The following ROBO2 variants were observed in gnomAD, a reference collection of about 807,000 sequenced individuals.
ROBO2 encodes roundabout guidance receptor 2.
Under a neutral mutation model 160.8 loss-of-function variants are expected in ROBO2, and 53 were observed. The observed-to-expected ratio is 0.33, with a 90% CI of 0.26 to 0.41. The LOEUF (loss-of-function observed/expected upper bound fraction) is 0.41, where lower values mean the gene tolerates loss of function less well. ROBO2 is among the 10% of genes least tolerant of loss of function. The pLI is 1.00. For synonymous variants in ROBO2, 664 were observed against 611.7 expected, an observed-to-expected ratio of 1.09 and a Z score of -1.26; for missense variants, 1,577 against 1,722.4, an observed-to-expected ratio of 0.92 and a Z score of 1.49.
chr3:76,238,285 A>AAACTTAT (rs2107502529), intron 2 of ROBO2, among the ~76,000 whole-genome samples: 1 of 152,298 alleles, frequency 6.6e-6, no homozygotes, highest in Non-Finnish European at 1.5e-5. Context: ...AGGCCTCAGG[A>AAACTTAT]AACTTATAAT....
chr3:76,197,124 C>T (rs1575829944), intron 2 of ROBO2, among the ~76,000 whole-genome samples: 1 of 151,244 alleles, frequency 6.6e-6, no homozygotes, highest in African/African-American at 2.4e-5. Context: ...TAATCAGTCT[C>T]TCTATAGATT....
At chr3:76,399,952 G>A (rs1036997347) in intron 2 of ROBO2, among the ~76,000 whole-genome samples, 3 of 151,592 alleles carry the variant, frequency 2.0e-5, no homozygotes, top group Non-Finnish European at 4.4e-5. Flanking sequence ...TTTTAAAATT[G>A]GCTTTACTCC....
At chr3:76,536,882 A>G (rs1486512737) in intron 2 of ROBO2, among the ~76,000 whole-genome samples, 1 of 152,136 alleles carries the variant, frequency 6.6e-6, no homozygotes, top group Admixed American at 6.5e-5. Context: ...GATAGAGACA[A>G]AGGTACATGA....
At chr3:76,639,411 C>CATAAATACATAT (rs2090522969) in intron 2 of ROBO2, among the ~76,000 whole-genome samples, 1 of 151,432 alleles carries the variant, frequency 6.6e-6, no homozygotes, top group African/African-American at 2.4e-5. Context: ...CACATACATA[C>CATAAATACATAT]ATAAATACAT....
At chr3:76,482,911 T>G (rs1260548363) in intron 2 of ROBO2, among the ~76,000 whole-genome samples, 1 of 152,192 alleles carries the variant, frequency 6.6e-6, no homozygotes, top group Non-Finnish European at 1.5e-5. Context: ...ATGGGACTTA[T>G]TACAAACTCA....
chr3:76,990,235 T>C (rs2060593293), intron 2 of ROBO2, among the ~76,000 whole-genome samples: 1 of 152,228 alleles, frequency 6.6e-6, no homozygotes, highest in Non-Finnish European at 1.5e-5. Context: ...ACCTTAGCTT[T>C]TCTTAGCTGG....
At chr3:75,948,853 A>G (rs1371669749) in intron 2 of ROBO2, among the ~76,000 whole-genome samples, 2 of 152,190 alleles carry the variant, frequency 1.3e-5, no homozygotes, top group Non-Finnish European at 2.9e-5. Context: ...AGTTTTAATT[A>G]TCTGCAAACA....
intron 13 of ROBO2, among the ~76,000 whole-genome samples, chr3:77,571,216 G>A (rs769993184): frequency 2.7e-4 from 41 of 151,974 alleles, no homozygotes; most frequent in Non-Finnish European, 4.1e-4. Context: ...ACCCTTAGCA[G>A]CTAAACCCAT....
intron 2 of ROBO2, among the ~76,000 whole-genome samples, chr3:77,370,320 A>T (rs2071552404): frequency 6.6e-6 from 1 of 152,136 alleles, no homozygotes; most frequent in African/African-American, 2.4e-5. Flanking sequence ...GATACATCTC[A>T]CCTTACATTG....
intron 2 of ROBO2, among the ~76,000 whole-genome samples, chr3:76,889,103 G>A (rs933090893): frequency 3.3e-5 from 5 of 152,144 alleles, no homozygotes; most frequent in Admixed American, 3.3e-4. Context: ...AATCATAGCT[G>A]TGCTGCCAGG....
intron 2 of ROBO2, among the ~76,000 whole-genome samples, chr3:76,277,397 A>G (rs1707989449): frequency 6.6e-6 from 1 of 151,998 alleles, no homozygotes. Context: ...TTAGATAAGA[A>G]GAAACATCAG....
At chr3:77,283,740 T>G (rs891298391) in intron 2 of ROBO2, among the ~76,000 whole-genome samples, 77 of 152,258 alleles carry the variant, frequency 5.1e-4, no homozygotes, top group African/African-American at 1.7e-3. Context: ...ATATGGAAAA[T>G]GAGATTTTTA....
intron 2 of ROBO2, among the ~76,000 whole-genome samples, chr3:77,329,810 C>T (rs535225746): frequency 1.3e-5 from 2 of 152,256 alleles, no homozygotes; most frequent in African/African-American, 4.8e-5. Context: ...CCTGTCTCTG[C>T]TTTTGGTGTT....
chr3:76,905,149 G>A (rs952733980), intron 2 of ROBO2, among the ~76,000 whole-genome samples: 4 of 152,114 alleles, frequency 2.6e-5, no homozygotes, highest in Non-Finnish European at 5.9e-5. Flanking sequence ...ATAAACGAGT[G>A]GGAGTATATT....
chr3:77,117,776 A>G (rs2150235536), intron 2 of ROBO2, among the ~76,000 whole-genome samples: 1 of 152,248 alleles, frequency 6.6e-6, no homozygotes, highest in Non-Finnish European at 1.5e-5. Flanking sequence ...ATTATCCCTA[A>G]GGCTTTATAC....
At chr3:77,028,676 G>A (rs573396783) in intron 2 of ROBO2, among the ~76,000 whole-genome samples, 49 of 152,128 alleles carry the variant, frequency 3.2e-4, no homozygotes, top group African/African-American at 1.2e-3. Flanking sequence ...CCAAGATCGC[G>A]TCACTGTACT....
At chr3:77,646,094 A>G (rs746330758) in exon 26 of ROBO2, 1 of 1,559,382 alleles carries the variant, frequency 6.4e-7, no homozygotes, top group Non-Finnish European at 8.8e-7. Flanking sequence ...CTGAAGGACC[A>G]TCAGGTCCGG....
chr3:77,558,165 C>T lies in ROBO2; in HGVS notation c.1437+16C>T. 1.2e-6 allele frequency: 2 copies of T among 1,600,780 alleles called. No homozygotes were observed. Among genetic ancestry groups the T allele is most frequent in the Non-Finnish European group, 8.6e-7 (1 of 1,168,390 alleles). ...GAATTTACGGGTAAGTAATATTGGA[C>T]TTGTACATGAATTATCATCTACACA... On this transcript the variant is annotated intron_variant, in intron 9 of 25. Transcript: ENST00000461745.
intron 2 of ROBO2, among the ~76,000 whole-genome samples, chr3:75,995,951 G>A (rs1488854133): frequency 2.0e-5 from 3 of 152,142 alleles, no homozygotes; most frequent in African/African-American, 7.2e-5. Context: ...TTTGGAATGG[G>A]TGCATTTACC....
Sources: gnomAD v4.1 joint callset for allele counts (sites outside exome capture counted in the v4.1 genomes callset) on GRCh38, gnomAD v4.1.1 for gene constraint, MANE v1.5 for transcripts, NCBI Gene and HGNC (gene_info 2026-07-23, HGNC 2026-07-21) for gene names.